RBFOX3: variants seen among roughly 807,000 people sequenced by gnomAD.
RBFOX3 encodes the protein RNA binding fox-1 homolog 3, also known as RNA binding protein fox-1 homolog 3.
In RBFOX3, 17 loss-of-function variants were observed where a neutral mutation model predicts 48.7. The ratio of observed to expected loss-of-function variants is 0.35; its 90% CI spans 0.24 to 0.52. The LOEUF (loss-of-function observed/expected upper bound fraction) is 0.52, where lower values mean the gene tolerates loss of function less well. RBFOX3 is among the 20% of genes least tolerant of loss of function. The pLI, the probability that RBFOX3 is intolerant of heterozygous loss-of-function variation, is 0.94. For missense variants in RBFOX3, 382 were observed against 497.5 expected (o/e 0.77, Z 2.21); for synonymous variants, 212 against 209.5 (o/e 1.01, Z -0.10).
intron 3 of RBFOX3, among the ~76,000 whole-genome samples, chr17:79,236,294 T>G (rs1216653222): frequency 1.3e-5 from 2 of 152,186 alleles, no homozygotes; most frequent in South Asian, 2.1e-4. Context: ...CACATTCATT[T>G]TATTTATTTA....
chr17:79,442,050 C>T (rs2071033330), intron 2 of RBFOX3, among the ~76,000 whole-genome samples: 2 of 151,796 alleles, frequency 1.3e-5, no homozygotes, highest in African/African-American at 2.4e-5. Flanking sequence ...AGCAAAGATG[C>T]TCTTCAAAGG....
chr17:79,431,760 T>C (rs942550886), intron 2 of RBFOX3, among the ~76,000 whole-genome samples: 1 of 152,176 alleles, frequency 6.6e-6, no homozygotes, highest in African/African-American at 2.4e-5. Context: ...GCTGGGATTA[T>C]AGGCGTGAGC....
In RBFOX3 at chr17:79,373,755, G is replaced by A. The variant is rs909306120; in HGVS notation, c.-174-65931C>T. On this transcript the variant is annotated intron_variant, in intron 2 of 14. Transcript: ENST00000693108. ...GCCTACCACCTGCCCAGCAAGTCAC[G>A]GGCCACCCTGGAAGGACACAACCTC... Among the ~76,000 whole-genome samples, 7 of 152,226 alleles carry A rather than the reference G, an allele frequency of 4.6e-5. No individual in the cohort carries two copies. The South Asian group carries it at 6.2e-4, about 14-fold the overall frequency.
chr17:79,400,514 G>A (rs534640962), intron 2 of RBFOX3, among the ~76,000 whole-genome samples: 34 of 152,304 alleles, frequency 2.2e-4, no homozygotes, highest in South Asian at 1.9e-3. Context: ...ATAAGGTCAC[G>A]TTCACAGGTA....
At position 79,479,855 on chromosome 17, in the gene RBFOX3, G is replaced by C. The variant is rs946311326; in HGVS notation, c.-175+2599C>G. Among the ~76,000 whole-genome samples, 1 of 152,198 alleles carries C rather than the reference G, an allele frequency of 6.6e-6. No individual in the cohort carries two copies. Among genetic ancestry groups the C allele is most frequent in the Non-Finnish European group, 1.5e-5 (1 of 68,040 alleles). ...GTCACGGCCTGCAGGATGTCTGTAC[G>C]TCAGGGCCCTCCCCTAGGGACAGAG... is the stretch of plus-strand genomic sequence containing the variant. On this transcript the variant is annotated intron_variant, in intron 2 of 14. Coordinates refer to ENST00000693108, the MANE Select transcript of RBFOX3 (RefSeq NM_001350451.2). The surrounding 1 kb of genome is among the most constrained non-coding windows in gnomAD (Gnocchi z 5.1).
intron 2 of RBFOX3, among the ~76,000 whole-genome samples, chr17:79,344,070 C>G (rs956425970): frequency 7.2e-5 from 11 of 152,118 alleles, no homozygotes; most frequent in Non-Finnish European, 1.6e-4. Flanking sequence ...ATCAAATCTC[C>G]AAGAGGGGTT....
chr17:79,155,812 G>A (rs1204202507), intron 4 of RBFOX3, among the ~76,000 whole-genome samples: 2 of 152,178 alleles, frequency 1.3e-5, no homozygotes, highest in Non-Finnish European at 1.5e-5. Flanking sequence ...CCCCCAGGTT[G>A]GAGGCACCCC....
intron 4 of RBFOX3, among the ~76,000 whole-genome samples, chr17:79,179,033 C>T (rs993657876): frequency 6.6e-6 from 1 of 152,150 alleles, no homozygotes; most frequent in Non-Finnish European, 1.5e-5. Flanking sequence ...GTGTCTCAGA[C>T]GGGGTTCCTG....
chr17:79,248,120 C>T lies in RBFOX3; in HGVS notation c.-73-12315G>A, dbSNP rs568742824. On this transcript the variant is annotated intron_variant, in intron 3 of 14. Coordinates refer to ENST00000693108, the MANE Select transcript of RBFOX3 (RefSeq NM_001350451.2). ...ACCCAAACAGGGCGAAGGGGCGGGGCTCTCCTCTACCTCCGGGGCACAGGA... is the reference window on the plus strand; with the variant it reads ...ACCCAAACAGGGCGAAGGGGCGGGGTTCTCCTCTACCTCCGGGGCACAGGA... Among the ~76,000 whole-genome samples, 7 of 152,330 alleles carry T rather than the reference C, an allele frequency of 4.6e-5. No homozygotes were observed. In the East Asian group the frequency reaches 1.2e-3, roughly 25 times the overall value.
intron 4 of RBFOX3, among the ~76,000 whole-genome samples, chr17:79,135,308 G>T (rs1022970268): frequency 1.3e-5 from 2 of 152,166 alleles, no homozygotes; most frequent in African/African-American, 2.4e-5. Flanking sequence ...GTGGCGGTGG[G>T]GTCCCTGGGG....
At chr17:79,405,225 C>G (rs927588051) in intron 2 of RBFOX3, among the ~76,000 whole-genome samples, 2 of 152,134 alleles carry the variant, frequency 1.3e-5, no homozygotes, top group Non-Finnish European at 2.9e-5. Flanking sequence ...GGGCATTCTC[C>G]TCCACACTGG....
At chr17:79,484,648 G>C (rs1417210117) in intron 1 of RBFOX3, among the ~76,000 whole-genome samples, 3 of 152,108 alleles carry the variant, frequency 2.0e-5, no homozygotes, top group African/African-American at 7.2e-5. Flanking sequence ...GCCCAGGTTG[G>C]GTAGGAAGGG....
At chr17:79,483,696 G>A (rs111480347) in intron 1 of RBFOX3, among the ~76,000 whole-genome samples, 7 of 151,730 alleles carry the variant, frequency 4.6e-5, no homozygotes, top group East Asian at 2.0e-4. Flanking sequence ...CATCCACAAC[G>A]GCTGGATTTA....
chr17:79,096,165 G>GT (rs757803144), intron 12 of RBFOX3, among the ~76,000 whole-genome samples: 2 of 152,230 alleles, frequency 1.3e-5, no homozygotes, highest in Non-Finnish European at 2.9e-5. Context: ...GTGGCCGTCA[G>GT]TGAGTCTGAG....
At chr17:79,595,357 G>A (rs998984062) in intron 1 of RBFOX3, among the ~76,000 whole-genome samples, 5 of 152,308 alleles carry the variant, frequency 3.3e-5, no homozygotes, top group South Asian at 2.1e-4. Context: ...GCAACCGCTC[G>A]CTGGGCACCT....
intron 2 of RBFOX3, among the ~76,000 whole-genome samples, chr17:79,469,753 T>C (rs950250943): frequency 6.6e-6 from 1 of 151,958 alleles, no homozygotes; most frequent in Non-Finnish European, 1.5e-5. Context: ...TTAAATGTAA[T>C]GGGGAGGGCA....
chr17:79,645,303 C>T, the RBFOX3 span, among the ~76,000 whole-genome samples: 1 of 152,070 alleles, frequency 6.6e-6, no homozygotes, highest in Non-Finnish European at 1.5e-5. Context: ...TGTGCCCCAC[C>T]CCTCAGTCCC....
intron 1 of RBFOX3, among the ~76,000 whole-genome samples, chr17:79,570,682 CACTT>C (rs1487478801): frequency 1.6e-4 from 25 of 152,162 alleles, no homozygotes; most frequent in Non-Finnish European, 2.6e-4. Context: ...TCCAAAGTGA[CACTT>C]ACAGACCCCA....
chr17:79,288,160 C>A (rs547642348), intron 3 of RBFOX3, among the ~76,000 whole-genome samples: 7 of 152,290 alleles, frequency 4.6e-5, no homozygotes, highest in Admixed American at 1.3e-4. Context: ...CGGGCCTCAG[C>A]CCTGCTCCCA....
Sources: allele counts gnomAD v4.1 joint callset (sites outside exome capture counted in the v4.1 genomes callset), GRCh38; gene constraint gnomAD v4.1.1; non-coding constraint Gnocchi (gnomAD v3.1); transcripts MANE v1.5; gene names NCBI Gene and HGNC (gene_info 2026-07-23, HGNC 2026-07-21).